Variants in FBXO5 observed in about 807,000 individuals in gnomAD.
FBXO5 encodes the protein F-box protein 5.
In FBXO5, 8 loss-of-function variants were observed where a neutral mutation model predicts 43.3. The observed-to-expected ratio is 0.18, with a 90% CI of 0.11 to 0.33. FBXO5 has a LOEUF of 0.33. Ranked by LOEUF, FBXO5 falls within the 10% of genes least tolerant of loss-of-function variation. The pLI is 1.00. For missense variants in FBXO5, 491 were observed against 535.7 expected, an observed-to-expected ratio of 0.92 and a Z score of 0.82; for synonymous variants, 204 against 193.7, an observed-to-expected ratio of 1.05 and a Z score of -0.44.
Position 152,971,064 on chromosome 6 carries a change from C to A in FBXO5, c.*99G>T. ...AAACCTCAGGATACTACACCGATTT[C>A]AACATAAAATTGAAAATCACAATAC... is the stretch of plus-strand genomic sequence containing the variant. On this transcript the variant is annotated 3_prime_UTR_variant, in exon 5 of 5. Transcript: ENST00000229758. 1 of 1,270,700 alleles carries A rather than the reference C, an allele frequency of 7.9e-7. No homozygotes were observed. 78.7% of individuals were successfully genotyped at this position (1,270,700 alleles called of 1,614,324 possible). A position where few individuals can be genotyped will look rare whatever the true frequency, so the allele number is the denominator to read the frequency against.
At position 152,971,345 on chromosome 6, in the gene FBXO5, C is replaced by T; in HGVS notation, c.1162G>A (p.Asp388Asn). The part of the protein sequence containing the change: ...CIRCNSPAKY[D>N]CYLQRATCKR... Reference sequence around the variant, plus strand: ...CAGGTTGCCCGTTGTAAATAGCAATCATATTTTGCAGGTGAATTACAGCGA... The same window carrying T: ...CAGGTTGCCCGTTGTAAATAGCAATTATATTTTGCAGGTGAATTACAGCGA... Residue 388 changes from aspartate (D) to asparagine (N), a missense_variant, in exon 5 of 5, where the codon GAT (aspartate) becomes AAT (asparagine). Physicochemically the swap from Asp to Asn is conservative, Grantham distance 23 (BLOSUM62 1). Coordinates refer to ENST00000229758, the MANE Select transcript of FBXO5 (RefSeq NM_012177.5). 6.2e-7 allele frequency: 1 copy of T among 1,613,858 alleles called. No homozygotes were observed. The highest frequency in any genetic ancestry group is 8.5e-7 in the Non-Finnish European group (1 of 1,179,912).
At chr6:152,983,104 T>G, upstream of FBXO5, 27 of 450,256 alleles carry the variant, frequency 6.0e-5, no homozygotes, top group Non-Finnish European at 6.9e-5. Flanking sequence ...ATCCGCGCGG[T>G]CCAATGAGAC....
At chr6:152,973,174 C>A in intron 2 of FBXO5, 38 bp from the exon 3 acceptor site, 1 of 1,509,524 alleles carries the variant, frequency 6.6e-7, no homozygotes. Flanking sequence ...ATAATTAAAG[C>A]ATCACAAAGA....
chr6:152,971,585 T>G (rs372989057), intron 4 of FBXO5, among the ~76,000 whole-genome samples, 171 bp from the exon 5 acceptor site: 1 of 152,192 alleles, frequency 6.6e-6, no homozygotes, highest in Non-Finnish European at 1.5e-5. Context: ...CATTATCTGA[T>G]AGATGCTCAA....
chr6:152,973,173 G>C (rs780244949), intron 2 of FBXO5, 37 bp from the exon 3 acceptor site: 1 of 1,507,554 alleles, frequency 6.6e-7, no homozygotes, highest in Non-Finnish European at 9.2e-7. Context: ...AATAATTAAA[G>C]CATCACAAAG....
At chr6:152,972,536 A>G in intron 3 of FBXO5, 82 bp from the exon 4 acceptor site, 2 of 988,438 alleles carry the variant, frequency 2.0e-6, no homozygotes, top group East Asian at 2.6e-5. Context: ...TGTACATATA[A>G]GAAATGACAA....
At chr6:152,972,659 A>G (rs1166890423) in intron 3 of FBXO5, 1 of 516,520 alleles carries the variant, frequency 1.9e-6, no homozygotes, top group Non-Finnish European at 3.4e-6. Context: ...AGAAACTGTG[A>G]ACCAAATACT....
intron 1 of FBXO5, among the ~76,000 whole-genome samples, chr6:152,980,446 T>A (rs1163675110): frequency 6.6e-6 from 1 of 151,904 alleles, no homozygotes; most frequent in South Asian, 2.1e-4. Context: ...TAGGGCTGAG[T>A]TGGGGGAGGT....
At chr6:152,975,695 A>G (rs1212564965) in intron 1 of FBXO5, 74 bp from the exon 2 acceptor site, 17 of 912,560 alleles carry the variant, frequency 1.9e-5, no homozygotes, top group Non-Finnish European at 2.8e-5. Flanking sequence ...ATTGGGATAT[A>G]CAAAGATTAC....
At position 152,971,045 on chromosome 6, in the gene FBXO5, C is replaced by T; in HGVS notation, c.*118G>A. 2.0e-6 allele frequency: 2 copies of T among 1,005,658 alleles called. No individual in the cohort carries two copies. Among genetic ancestry groups the T allele is most frequent in the Non-Finnish European group, 2.8e-6 (2 of 719,664 alleles). 62.3% of individuals were successfully genotyped at this position (1,005,658 alleles called of 1,614,324 possible). ...TTATCTTCTGGGGGGAAAAAAACCT[C>T]AGGATACTACACCGATTTCAACATA... is the stretch of plus-strand genomic sequence containing the variant. On this transcript the variant is annotated 3_prime_UTR_variant, in exon 5 of 5. Transcript: ENST00000229758.
Position 152,975,466 on chromosome 6 carries a change from T to C in FBXO5, c.259A>G (p.Ile87Val), listed in dbSNP as rs772630990. Residue 87 changes from isoleucine to valine, a missense_variant, in exon 2 of 5, where the codon ATT (isoleucine) becomes GTT (valine). Coordinates refer to ENST00000229758, the MANE Select transcript of FBXO5 (RefSeq NM_012177.5). ...AYLEGSCKDC[I>V]KDYERLSCIG... ...CATGACAGCCTTTCATAGTCTTTAA[T>C]GCAGTCTTTACAGGAACCTTCCAAA... 2 of 1,614,106 alleles carry C rather than the reference T, an allele frequency of 1.2e-6. No individual in the cohort carries two copies. The highest frequency in any genetic ancestry group is 1.7e-6 in the Non-Finnish European group (2 of 1,180,016).
Position 152,971,286 on chromosome 6 carries a change from C to T in FBXO5, c.1221G>A (p.Thr407=), listed in dbSNP as rs148568194. 9 of 1,613,890 alleles carry T rather than the reference C, an allele frequency of 5.6e-6. No individual in the cohort carries two copies. The highest frequency in any genetic ancestry group is 2.2e-5 in the East Asian group (1 of 44,882). ...TAGTATGATAATTACAGAGACACTT[C>T]GTACAATAATCAAATCCACAGCCTT... ...KREGCGFDYC[T]KCLCNYHTTK... is the part of the protein sequence containing the mutation. The change falls in exon 5 of 5, where the codon ACG becomes ACA. Residue 407 remains threonine, a synonymous_variant. Transcript: ENST00000229758.
At chr6:152,979,176 T>C (rs73785710) in intron 1 of FBXO5, among the ~76,000 whole-genome samples, 2,221 of 152,274 alleles carry the variant, frequency 0.015, 50 homozygotes, top group African/African-American at 0.048. Context: ...TTAACTAAAA[T>C]CCCTATTTTA....
chr6:152,975,411 A>G lies in FBXO5; in HGVS notation c.314T>C (p.Ile105Thr). Residue 105 changes from isoleucine to threonine, a missense_variant, in exon 2 of 5, where the codon ATT becomes ACT. Coordinates refer to ENST00000229758, the MANE Select transcript of FBXO5 (RefSeq NM_012177.5). ...CIGSPIVSPR[I>T]VQLETESKRL... ...CTTGCTTTCAGTTTCAAGTTGTACAATCCTAGGGCTCACAATCGGTGACCC... is the reference window on the plus strand; with the variant it reads ...CTTGCTTTCAGTTTCAAGTTGTACAGTCCTAGGGCTCACAATCGGTGACCC... 1.2e-6 allele frequency: 2 copies of G among 1,613,946 alleles called. No individual in the cohort carries two copies. The highest frequency in any genetic ancestry group is 1.7e-4 in the Middle Eastern group (1 of 6,060).
At chr6:152,976,670 G>C (rs1249514619) in intron 1 of FBXO5, among the ~76,000 whole-genome samples, 1 of 152,152 alleles carries the variant, frequency 6.6e-6, no homozygotes, top group Non-Finnish European at 1.5e-5. Context: ...AATAACTTAA[G>C]ATAAACTTGC....
rs1778077505 is a variant in FBXO5, at chr6:152,971,034, G to T, written c.*129C>A. 3.6e-6 allele frequency: 3 copies of T among 842,046 alleles called. No individual in the cohort carries two copies. The highest frequency in any genetic ancestry group is 3.6e-5 in the Admixed American group (1 of 27,770). 52.2% of individuals were successfully genotyped at this position (842,046 alleles called of 1,614,324 possible). On this transcript the variant is annotated 3_prime_UTR_variant, in exon 5 of 5. Transcript: ENST00000229758. ...GTCTATCCTCTTTATCTTCTGGGGG[G>T]AAAAAAACCTCAGGATACTACACCG...
Position 152,975,336 on chromosome 6 carries a change from G to A in FBXO5, c.389C>T (p.Thr130Ile). The change falls in exon 2 of 5, where the codon ACA (threonine) becomes ATA (isoleucine). Residue 130 changes from threonine (T) to isoleucine (I), a missense_variant. Coordinates refer to ENST00000229758, the MANE Select transcript of FBXO5 (RefSeq NM_012177.5). ...GGTCTCTAGTGCTTCTATTTCATTT[G>A]TACTATTAAGTGTCTGTTGCACATG... is the stretch of plus-strand genomic sequence containing the variant. ...NQHVQQTLNSTNEIEALETSR... is the reference protein window; with the variant it reads ...NQHVQQTLNSINEIEALETSR... 6.2e-7 allele frequency: 1 copy of A among 1,614,100 alleles called. No individual in the cohort carries two copies. Among genetic ancestry groups the A allele is most frequent in the Non-Finnish European group, 8.5e-7 (1 of 1,180,002 alleles).
intron 1 of FBXO5, among the ~76,000 whole-genome samples, chr6:152,981,276 A>C (rs1408411010): frequency 6.6e-6 from 1 of 152,198 alleles, no homozygotes; most frequent in Admixed American, 6.5e-5. Flanking sequence ...TAAATTTTAC[A>C]ATGTTTGATC....
chr6:152,980,190 G>A lies in FBXO5; in HGVS notation c.103+2667C>T, dbSNP rs115004876. ...CCAGAAAGACAGAAAACATTATATG[G>A]CTTCATAACCTCTTGAATGAAACAG... is the stretch of plus-strand genomic sequence containing the variant. On this transcript the variant is annotated intron_variant, in intron 1 of 4. Transcript: ENST00000229758. Among the ~76,000 whole-genome samples the A allele has an allele frequency of 6.2e-3, 946 of 152,290 alleles. 8 individuals carry two copies. The highest frequency in any genetic ancestry group is 0.021 in the African/African-American group (891 of 41,560).
Sources: allele counts gnomAD v4.1 joint callset (sites outside exome capture counted in the v4.1 genomes callset), GRCh38; gene constraint gnomAD v4.1.1; transcripts MANE v1.5; gene names NCBI Gene and HGNC (gene_info 2026-07-23, HGNC 2026-07-21).